PLCE1: variants seen among roughly 807,000 people sequenced by gnomAD.
The protein encoded by PLCE1 is phospholipase C epsilon 1, also known as 1-phosphatidylinositol 4,5-bisphosphate phosphodiesterase epsilon-1.
In PLCE1, 119 loss-of-function variants were observed where a neutral mutation model predicts 242.8. That is an observed-to-expected ratio of 0.49 (90% confidence interval 0.42 to 0.57). The LOEUF is 0.57. Among genes scored for constraint, PLCE1 ranks in the 20% least tolerant of loss-of-function variants. The probability of loss-of-function intolerance (pLI) is 0.00; values close to 1 mark genes in which losing one functional copy is unlikely to be tolerated. For synonymous variants in PLCE1, 945 were observed against 1,017.4 expected (o/e 0.93, Z 1.35); for missense variants, 2,441 against 2,788.8 (o/e 0.88, Z 2.81).
chr10:94,290,297 G>A (rs1226476195), intron 22 of PLCE1, among the ~76,000 whole-genome samples: 1 of 151,018 alleles, frequency 6.6e-6, no homozygotes, highest in African/African-American at 2.4e-5. Context: ...ATACAGGCAT[G>A]AGCCATCGCA....
intron 14 of PLCE1, among the ~76,000 whole-genome samples, chr10:94,264,512 ATTT>A (rs59860171): frequency 5.5e-5 from 4 of 73,106 alleles, no homozygotes; most frequent in African/African-American, 1.5e-4. Context: ...ACATGATTTG[ATTT>A]TTTTTTTTTT....
intron 4 of PLCE1, among the ~76,000 whole-genome samples, chr10:94,184,137 C>T (rs192148718): frequency 6.6e-5 from 10 of 152,308 alleles, no homozygotes; most frequent in Non-Finnish European, 1.5e-4. Flanking sequence ...GCACTTATCT[C>T]CAGCACTGCT....
chr10:94,331,657 G>C lies in PLCE1; in HGVS notation c.*3714G>C, dbSNP rs1386240868. On this transcript the variant is annotated 3_prime_UTR_variant, in exon 33 of 33. Transcript: ENST00000371380. ...TATACCTGGGACCCCAAAAAAGTTAGAGAGAAAAGGGAGATTGTCTCTTAT... is the reference window on the plus strand; with the variant it reads ...TATACCTGGGACCCCAAAAAAGTTACAGAGAAAAGGGAGATTGTCTCTTAT... 1 of 152,154 alleles carries C rather than the reference G, an allele frequency of 6.6e-6. No homozygotes were observed. Among genetic ancestry groups the C allele is most frequent in the Non-Finnish European group, 1.5e-5 (1 of 68,034 alleles). The allele number at this position is 152,154 out of a possible 1,614,324, so 9.4% of individuals were successfully genotyped here.
At chr10:94,168,687 T>C (rs1252138412) in intron 3 of PLCE1, among the ~76,000 whole-genome samples, 1 of 152,242 alleles carries the variant, frequency 6.6e-6, no homozygotes, top group Non-Finnish European at 1.5e-5. Flanking sequence ...TGACATCTTA[T>C]CTTACATTAT....
chr10:94,264,969 A>C (rs148737660), intron 14 of PLCE1, among the ~76,000 whole-genome samples: 509 of 152,322 alleles, frequency 3.3e-3, no homozygotes, highest in African/African-American at 0.012. Context: ...CTCTAAAACA[A>C]AATTTTAAGT....
At chr10:94,276,249 C>T (rs370383930) in intron 19 of PLCE1, among the ~76,000 whole-genome samples, 5 of 152,256 alleles carry the variant, frequency 3.3e-5, no homozygotes, top group East Asian at 3.9e-4. Context: ...GAGTGTGCTT[C>T]GACTTCTTTA....
chr10:94,316,256 A>C (rs2053568952), intron 28 of PLCE1, among the ~76,000 whole-genome samples: 1 of 152,230 alleles, frequency 6.6e-6, no homozygotes, highest in South Asian at 2.1e-4. Flanking sequence ...GGCTAAGTTC[A>C]TGGAATGAGA....
intron 2 of PLCE1, among the ~76,000 whole-genome samples, chr10:94,068,460 A>T (rs1355445498): frequency 6.6e-6 from 1 of 152,220 alleles, no homozygotes; most frequent in Non-Finnish European, 1.5e-5. Context: ...TTTGCATTGT[A>T]TTGGATATTA....
intron 4 of PLCE1, among the ~76,000 whole-genome samples, chr10:94,205,116 A>G (rs1187419378): frequency 2.6e-5 from 4 of 152,204 alleles, no homozygotes; most frequent in African/African-American, 9.6e-5. Context: ...GACAAGTATG[A>G]CATGCTACAG....
intron 20 of PLCE1, chr10:94,283,581 G>A (rs1043847425): frequency 2.2e-6 from 1 of 453,646 alleles, no homozygotes; most frequent in Non-Finnish European, 4.2e-6. Context: ...AAAACTACTG[G>A]TAAATAAATC....
At position 94,165,865 on chromosome 10, in the gene PLCE1, C is replaced by T. The variant is rs142645229; in HGVS notation, c.1493-5315C>T. On this transcript the variant is annotated intron_variant, in intron 3 of 32. Transcript: ENST00000371380. ...TGGGATTACAGGTGCCCACCACCCA[C>T]CTGGCTACTTTTTGTATTTTTAGTA... Among the ~76,000 whole-genome samples the T allele has an allele frequency of 6.7e-3, 1,020 of 152,056 alleles. 14 individuals carry two copies. Among genetic ancestry groups the T allele is most frequent in the African/African-American group, 0.023 (961 of 41,482 alleles).
intron 1 of PLCE1, among the ~76,000 whole-genome samples, chr10:94,001,413 G>T (rs547165066): frequency 1.8e-3 from 267 of 152,280 alleles, no homozygotes; most frequent in African/African-American, 6.2e-3. Flanking sequence ...AACTCAGCTA[G>T]CATTTGTATA....
intron 1 of PLCE1, among the ~76,000 whole-genome samples, chr10:94,024,659 T>A (rs542887217): frequency 2.6e-5 from 4 of 152,112 alleles, no homozygotes; most frequent in Non-Finnish European, 5.9e-5. Flanking sequence ...AAATTAGTTT[T>A]TGTTATTGTT....
At chr10:94,160,660 T>C (rs894984684) in intron 3 of PLCE1, among the ~76,000 whole-genome samples, 15 of 152,220 alleles carry the variant, frequency 9.9e-5, no homozygotes, top group African/African-American at 3.6e-4. Flanking sequence ...TTTATTGCCA[T>C]TGCTTTTGGT....
At chr10:94,046,036 C>T (rs1297381554) in intron 2 of PLCE1, among the ~76,000 whole-genome samples, 1 of 151,640 alleles carries the variant, frequency 6.6e-6, no homozygotes, top group African/African-American at 2.4e-5. Context: ...TTCTCTGATC[C>T]ATTATGGTTT....
intron 2 of PLCE1, among the ~76,000 whole-genome samples, chr10:94,130,865 A>T (rs943729700): frequency 3.3e-5 from 5 of 152,144 alleles, no homozygotes; most frequent in African/African-American, 9.7e-5. Context: ...AGGATGCAAC[A>T]TCATGGGGGC....
intron 27 of PLCE1, among the ~76,000 whole-genome samples, chr10:94,312,085 A>G (rs928165488): frequency 2.0e-5 from 3 of 152,186 alleles, no homozygotes; most frequent in Non-Finnish European, 4.4e-5. Context: ...GGGGTTTTGT[A>G]AATGTTGGCA....
At chr10:94,235,631 A>T in intron 6 of PLCE1, 1 of 626,254 alleles carries the variant, frequency 1.6e-6, no homozygotes, top group Non-Finnish European at 2.0e-6. Flanking sequence ...CAAATTGGCT[A>T]ATCTTCTCCT....
chr10:94,198,427 T>C (rs1253613025), intron 4 of PLCE1, among the ~76,000 whole-genome samples: 1 of 152,244 alleles, frequency 6.6e-6, no homozygotes, highest in Admixed American at 6.5e-5. Context: ...TTCAGTTATC[T>C]TCTTTCCTTT....
Sources: gnomAD v4.1 joint callset for allele counts (sites outside exome capture counted in the v4.1 genomes callset) on GRCh38, gnomAD v4.1.1 for gene constraint, MANE v1.5 for transcripts, NCBI Gene and HGNC (gene_info 2026-07-23, HGNC 2026-07-21) for gene names.